AGBL4: variants seen among roughly 807,000 people sequenced by gnomAD.
AGBL4 encodes cytosolic carboxypeptidase 6.
AGBL4 carries 58 observed loss-of-function variants against 66.4 expected under a neutral mutation model. The ratio of observed to expected loss-of-function variants is 0.87; its 90% CI spans 0.71 to 1.09. AGBL4 has a LOEUF of 1.09. Among genes scored for constraint, AGBL4 ranks in the 50% least tolerant of loss-of-function variants. AGBL4 has a pLI of 0.00. For synonymous variants in AGBL4, 234 were observed against 222.9 expected (o/e 1.05, Z -0.44); for missense variants, 579 against 631.0 (o/e 0.92, Z 0.88).
chr1:49,655,165 A>G (rs1646097460), intron 3 of AGBL4, among the ~76,000 whole-genome samples: 1 of 152,126 alleles, frequency 6.6e-6, no homozygotes, highest in African/African-American at 2.4e-5. Context: ...GCTTGTCTCT[A>G]AAGGATTTTA....
intron 2 of AGBL4, among the ~76,000 whole-genome samples, chr1:49,818,942 G>T (rs963413509): frequency 6.6e-6 from 1 of 152,184 alleles, no homozygotes; most frequent in Non-Finnish European, 1.5e-5. Context: ...AGTGGAAAGA[G>T]TCCAGGCCTT....
intron 3 of AGBL4, among the ~76,000 whole-genome samples, chr1:49,657,011 A>G (rs929028052): frequency 1.3e-5 from 2 of 152,202 alleles, no homozygotes; most frequent in African/African-American, 4.8e-5. Flanking sequence ...GGCCAGAGCA[A>G]TCAGACAGGA....
chr1:49,632,307 T>C (rs1645585864), intron 3 of AGBL4, among the ~76,000 whole-genome samples: 1 of 152,170 alleles, frequency 6.6e-6, no homozygotes, highest in African/African-American at 2.4e-5. Context: ...GGGGGAACCT[T>C]TCTCACCACT....
intron 5 of AGBL4, among the ~76,000 whole-genome samples, chr1:48,989,650 A>G (rs1193328264): frequency 6.6e-6 from 1 of 152,148 alleles, no homozygotes; most frequent in Non-Finnish European, 1.5e-5. Flanking sequence ...TGCCTGGCTT[A>G]TTTCACCTAA....
chr1:49,292,753 C>A (rs560711321), intron 3 of AGBL4, among the ~76,000 whole-genome samples: 3 of 152,020 alleles, frequency 2.0e-5, no homozygotes, highest in South Asian at 4.2e-4. Flanking sequence ...GAGAGCTGAA[C>A]ACTCAACATG....
At chr1:49,547,082 C>T (rs943880843) in intron 3 of AGBL4, among the ~76,000 whole-genome samples, 5 of 152,170 alleles carry the variant, frequency 3.3e-5, no homozygotes, top group Non-Finnish European at 7.4e-5. Context: ...CTTCCCTAAG[C>T]CAATGTCTAG....
chr1:48,677,514 G>T (rs890908270), intron 6 of AGBL4, among the ~76,000 whole-genome samples: 1 of 152,190 alleles, frequency 6.6e-6, no homozygotes, highest in Non-Finnish European at 1.5e-5. Context: ...GCGCCAGGGG[G>T]CGCATTACTT....
intron 2 of AGBL4, among the ~76,000 whole-genome samples, chr1:49,736,871 T>C (rs1649936412): frequency 6.6e-6 from 1 of 152,138 alleles, no homozygotes; most frequent in East Asian, 1.9e-4. Flanking sequence ...CAGACAGTTC[T>C]CAAGAGAACA....
At chr1:49,201,952 C>T (rs1480807837) in intron 4 of AGBL4, among the ~76,000 whole-genome samples, 1 of 151,682 alleles carries the variant, frequency 6.6e-6, no homozygotes, top group Admixed American at 6.6e-5. Context: ...CATTAGCAAC[C>T]AATGAGTACC....
chr1:49,483,153 G>A (rs1038182815), intron 3 of AGBL4, among the ~76,000 whole-genome samples: 1 of 151,938 alleles, frequency 6.6e-6, no homozygotes, highest in African/African-American at 2.4e-5. Flanking sequence ...GCTGCTTTCA[G>A]GTCTTGAATA....
At chr1:49,595,577 T>C (rs1022688729) in intron 3 of AGBL4, among the ~76,000 whole-genome samples, 16 of 152,088 alleles carry the variant, frequency 1.1e-4, no homozygotes, top group Non-Finnish European at 1.5e-4. Context: ...TAGAGAGTCA[T>C]TGAGATTTGC....
At chr1:49,344,437 G>C (rs887125232) in intron 3 of AGBL4, among the ~76,000 whole-genome samples, 4 of 152,178 alleles carry the variant, frequency 2.6e-5, no homozygotes, top group Non-Finnish European at 5.9e-5. Flanking sequence ...CTAGTGCACA[G>C]GCTTAAAGGA....
chr1:49,818,384 G>A, intron 2 of AGBL4, among the ~76,000 whole-genome samples: 1 of 104,280 alleles, frequency 9.6e-6, no homozygotes, highest in South Asian at 3.0e-4. Flanking sequence ...TTTTTTTTTT[G>A]AGATGAGGTC....
chr1:48,930,201 G>A (rs1343150987), intron 5 of AGBL4, among the ~76,000 whole-genome samples: 1 of 151,784 alleles, frequency 6.6e-6, no homozygotes, highest in Non-Finnish European at 1.5e-5. Flanking sequence ...ACACGTGTAA[G>A]GGATTAAGGG....
chr1:49,194,933 G>T (rs117520839), intron 4 of AGBL4, among the ~76,000 whole-genome samples: 37 of 152,044 alleles, frequency 2.4e-4, no homozygotes, highest in African/African-American at 8.9e-4. Context: ...TAACTCCAGG[G>T]CTCAACTGAT....
chr1:48,824,086 T>C (rs886703838), intron 6 of AGBL4, among the ~76,000 whole-genome samples: 1 of 152,202 alleles, frequency 6.6e-6, no homozygotes, highest in African/African-American at 2.4e-5. Context: ...AGCCTTTCTC[T>C]CTTCCTCCCT....
intron 2 of AGBL4, among the ~76,000 whole-genome samples, chr1:49,797,353 A>T (rs1644755429): frequency 6.6e-6 from 1 of 152,216 alleles, no homozygotes; most frequent in Non-Finnish European, 1.5e-5. Context: ...TATAGAAGAC[A>T]AGATTGTTAC....
intron 4 of AGBL4, among the ~76,000 whole-genome samples, chr1:49,214,836 G>C (rs1648956084): frequency 6.6e-6 from 1 of 152,076 alleles, no homozygotes; most frequent in Non-Finnish European, 1.5e-5. Context: ...AGGGATAAAG[G>C]GAGTATCAAG....
intron 6 of AGBL4, among the ~76,000 whole-genome samples, chr1:48,803,944 G>T (rs963843435): frequency 1.7e-4 from 26 of 152,204 alleles, no homozygotes; most frequent in African/African-American, 6.0e-4. Flanking sequence ...ATGTCATTTT[G>T]TCATTTTGGA....
Sources: gnomAD v4.1 joint callset for allele counts (sites outside exome capture counted in the v4.1 genomes callset) on GRCh38, gnomAD v4.1.1 for gene constraint, MANE v1.5 for transcripts, NCBI Gene and HGNC (gene_info 2026-07-23, HGNC 2026-07-21) for gene names.